Variants in CYP7B1 observed in about 807,000 individuals in gnomAD.
CYP7B1 encodes cytochrome P450 family 7 subfamily B member 1.
CYP7B1 carries 29 observed loss-of-function variants against 42.7 expected under a neutral mutation model. The observed-to-expected ratio is 0.68, with a 90% confidence interval of 0.51 to 0.93. CYP7B1 has a LOEUF of 0.93. Among genes scored for constraint, CYP7B1 ranks in the 40% least tolerant of loss-of-function variants. The probability of loss-of-function intolerance (pLI) is 0.00; values close to 1 mark genes in which losing one functional copy is unlikely to be tolerated. For synonymous variants in CYP7B1, 235 were observed against 218.2 expected, an observed-to-expected ratio of 1.08 and a Z score of -0.68; for missense variants, 655 against 600.5, an observed-to-expected ratio of 1.09 and a Z score of -0.95.
chr8:64,688,341 T>C (rs1473394981), intron 1 of CYP7B1, among the ~76,000 whole-genome samples: 2 of 152,200 alleles, frequency 1.3e-5, no homozygotes, highest in Non-Finnish European at 2.9e-5. Flanking sequence ...TTGAAGTTTT[T>C]TCCATTTCTC....
At chr8:64,708,564 C>T (rs1807034203) in intron 1 of CYP7B1, among the ~76,000 whole-genome samples, 1 of 152,154 alleles carries the variant, frequency 6.6e-6, no homozygotes, top group Admixed American at 6.5e-5. Flanking sequence ...GCTTTATGTG[C>T]TATGATATCA....
intron 1 of CYP7B1, among the ~76,000 whole-genome samples, chr8:64,737,655 ATATACCTCC>A (rs1362335932): frequency 6.6e-6 from 1 of 152,152 alleles, no homozygotes; most frequent in Non-Finnish European, 1.5e-5. Context: ...TTGCCTGAAA[ATATACCTCC>A]TAGGCTCCTC....
intron 1 of CYP7B1, among the ~76,000 whole-genome samples, chr8:64,659,187 G>A (rs991578515): frequency 2.0e-5 from 3 of 152,062 alleles, no homozygotes; most frequent in East Asian, 1.9e-4. Context: ...ACTAAACCAC[G>A]GTAATGGAGA....
chr8:64,777,316 T>C (rs928858032), intron 1 of CYP7B1, among the ~76,000 whole-genome samples: 6 of 152,086 alleles, frequency 3.9e-5, no homozygotes, highest in African/African-American at 4.8e-5. Flanking sequence ...AGAAATTTCA[T>C]AGCAATAGCA....
chr8:64,623,687 A>G (rs1295047444), intron 2 of CYP7B1, among the ~76,000 whole-genome samples: 1 of 152,112 alleles, frequency 6.6e-6, no homozygotes, highest in Non-Finnish European at 1.5e-5. Flanking sequence ...TTGGTACTTT[A>G]TTAAAGTCTG....
At chr8:64,641,894 AG>A (rs1379658426) in intron 1 of CYP7B1, among the ~76,000 whole-genome samples, 1 of 152,226 alleles carries the variant, frequency 6.6e-6, no homozygotes, top group Admixed American at 6.5e-5. Flanking sequence ...GGAAACTGGA[AG>A]GAAGACAATG....
At chr8:64,629,567 C>T (rs558634089) in intron 1 of CYP7B1, among the ~76,000 whole-genome samples, 2 of 151,544 alleles carry the variant, frequency 1.3e-5, no homozygotes, top group African/African-American at 4.8e-5. Context: ...AACTGATATA[C>T]ATTACAGTAT....
chr8:64,778,829 G>A (rs985478720), intron 1 of CYP7B1, among the ~76,000 whole-genome samples: 60 of 152,164 alleles, frequency 3.9e-4, no homozygotes, highest in African/African-American at 1.3e-3. Flanking sequence ...CTGACATAGG[G>A]CAGTCTAGGC....
At chr8:64,634,025 T>C (rs757880258) in intron 1 of CYP7B1, among the ~76,000 whole-genome samples, 13 of 152,186 alleles carry the variant, frequency 8.5e-5, no homozygotes, top group Non-Finnish European at 1.5e-4. Context: ...TACTTTAAGA[T>C]GTTAGTAGTC....
chr8:64,650,570 C>A (rs1806023602), intron 1 of CYP7B1, among the ~76,000 whole-genome samples: 1 of 152,126 alleles, frequency 6.6e-6, no homozygotes, highest in Admixed American at 6.5e-5. Context: ...ATCACTTGAA[C>A]CCAGGAGGCA....
At position 64,595,927 on chromosome 8, in the gene CYP7B1, A is replaced by G. The variant is rs1805110174; in HGVS notation, c.*715T>C. On this transcript the variant is annotated 3_prime_UTR_variant, in exon 6 of 6. Transcript: ENST00000310193. ...ATACTAATGTCTAGGGCAATTTCTG[A>G]ATATATAATAGGTTCTGTGTTTTCT... Among the ~76,000 whole-genome samples the G allele has an allele frequency of 6.6e-6, 1 of 152,220 alleles. No individual in the cohort carries two copies. The highest frequency in any genetic ancestry group is 1.9e-4 in the East Asian group (1 of 5,204).
rs541488185 is a variant in CYP7B1 at position 64,713,354 on chromosome 8, A to G, written c.122+85112T>C. Among the ~76,000 whole-genome samples, 3 of 135,224 alleles carry G rather than the reference A, an allele frequency of 2.2e-5. No individual in the cohort carries two copies. The Admixed American group carries it at 2.4e-4, about 11-fold the overall frequency. 88.7% of individuals were successfully genotyped at this position (135,224 alleles called of 152,430 possible). A position where few individuals can be genotyped will look rare whatever the true frequency, so the allele number is the denominator to read the frequency against. ...TAAAAAGTTATCAGGCAAGCAAAGA[A>G]GCAGGAAAACATAGAGGAAAAAAAA... On this transcript the variant is annotated intron_variant, in intron 1 of 5. Transcript: ENST00000310193.
intron 1 of CYP7B1, among the ~76,000 whole-genome samples, chr8:64,785,407 A>G (rs1160361035): frequency 6.6e-6 from 1 of 152,250 alleles, no homozygotes; most frequent in African/African-American, 2.4e-5. Context: ...TCCTGCACAT[A>G]AATATTTTTA....
chr8:64,717,006 G>A (rs1807165812), intron 1 of CYP7B1, among the ~76,000 whole-genome samples: 2 of 152,150 alleles, frequency 1.3e-5, no homozygotes, highest in Non-Finnish European at 2.9e-5. Flanking sequence ...ATCATAAAGT[G>A]TGTACACTTT....
At chr8:64,797,885 GTGTTT>G (rs1349799627) in intron 1 of CYP7B1, among the ~76,000 whole-genome samples, 1 of 152,122 alleles carries the variant, frequency 6.6e-6, no homozygotes, top group Non-Finnish European at 1.5e-5. Context: ...TCATTATTGT[GTGTTT>G]TGTTTTGTCC....
chr8:64,628,647 C>CAAATA (rs554739887), intron 1 of CYP7B1, among the ~76,000 whole-genome samples: 61 of 151,174 alleles, frequency 4.0e-4, no homozygotes, highest in Middle Eastern at 3.4e-3. Context: ...GACTCTGTCT[C>CAAATA]AAATAAAATA....
intron 1 of CYP7B1, among the ~76,000 whole-genome samples, chr8:64,770,912 A>C (rs1343896241): frequency 6.6e-6 from 1 of 152,198 alleles, no homozygotes; most frequent in African/African-American, 2.4e-5. Context: ...GCAGCATCTA[A>C]AAATTTGAAG....
chr8:64,760,987 A>C (rs1807881307), intron 1 of CYP7B1, among the ~76,000 whole-genome samples: 1 of 152,152 alleles, frequency 6.6e-6, no homozygotes, highest in African/African-American at 2.4e-5. Flanking sequence ...AAGAAATTAC[A>C]ATAGAATATT....
chr8:64,699,670 A>G (rs1259047490), intron 1 of CYP7B1, among the ~76,000 whole-genome samples: 1 of 152,060 alleles, frequency 6.6e-6, no homozygotes, highest in African/African-American at 2.4e-5. Context: ...TTTTTTGCTT[A>G]GTGTGACAAC....
Sources: allele counts gnomAD v4.1 joint callset (sites outside exome capture counted in the v4.1 genomes callset), GRCh38; gene constraint gnomAD v4.1.1; transcripts MANE v1.5; gene names NCBI Gene and HGNC (gene_info 2026-07-23, HGNC 2026-07-21).